The following MOB1B variants were observed in gnomAD, a reference collection of about 807,000 sequenced individuals.
MOB1B encodes MOB kinase activator 1B, also known as MOB1 Mps One Binder homolog B.
MOB1B carries 19 observed loss-of-function variants against 24.4 expected under a neutral mutation model. The observed-to-expected ratio is 0.78, with a 90% CI of 0.54 to 1.14. The LOEUF is 1.14. MOB1B is among the 50% of genes most tolerant of loss of function. MOB1B has a pLI of 0.00. For synonymous variants in MOB1B, 76 were observed against 82.1 expected (o/e 0.93, Z 0.40); for missense variants, 243 against 259.6 (o/e 0.94, Z 0.44).
intron 2 of MOB1B, among the ~76,000 whole-genome samples, chr4:70,961,522 G>A (rs530309482): frequency 6.6e-6 from 1 of 152,328 alleles, no homozygotes; most frequent in East Asian, 1.9e-4. Flanking sequence ...TGAAACCACA[G>A]ATAAAGGAGG....
chr4:70,979,766 C>T (rs893876687), intron 5 of MOB1B, among the ~76,000 whole-genome samples: 2 of 152,250 alleles, frequency 1.3e-5, no homozygotes, highest in Middle Eastern at 3.4e-3. Flanking sequence ...TCCATCATGT[C>T]TGAGGGAAAA....
intron 1 of MOB1B, among the ~76,000 whole-genome samples, chr4:70,954,949 C>T (rs938557912): frequency 2.6e-5 from 4 of 151,852 alleles, no homozygotes; most frequent in Admixed American, 6.6e-5. Flanking sequence ...TGACACCCAG[C>T]TAATTTTTGT....
At chr4:70,904,168 A>G (rs1331565077) in intron 1 of MOB1B, among the ~76,000 whole-genome samples, 1 of 151,092 alleles carries the variant, frequency 6.6e-6, no homozygotes, top group East Asian at 2.0e-4. Flanking sequence ...TTTTTAATAG[A>G]GATGGGGGTT....
chr4:70,975,325 A>T, intron 4 of MOB1B, 39 bp downstream of exon 4: 1 of 1,602,284 alleles, frequency 6.2e-7, no homozygotes, highest in African/African-American at 1.3e-5. Context: ...ATCATGATTT[A>T]TCTTTTATAT....
At chr4:70,971,183 C>G (rs536050012) in intron 3 of MOB1B, among the ~76,000 whole-genome samples, 1 of 152,196 alleles carries the variant, frequency 6.6e-6, no homozygotes, top group East Asian at 1.9e-4. Context: ...TTTGAAAAGT[C>G]TAGTCAAGAT....
At chr4:70,902,572 G>A in intron 1 of MOB1B, 22 bp downstream of exon 1, 1 of 1,548,786 alleles carries the variant, frequency 6.5e-7, no homozygotes, top group Non-Finnish European at 8.7e-7. Flanking sequence ...GGCCCCGCAC[G>A]CGCCGGCTTT....
intron 2 of MOB1B, among the ~76,000 whole-genome samples, chr4:70,969,728 C>A (rs1738679663): frequency 2.6e-5 from 4 of 152,170 alleles, no homozygotes. Flanking sequence ...CTCTTCATCT[C>A]TATGCTTGCC....
intron 3 of MOB1B, 119 bp downstream of exon 3, chr4:70,970,143 T>TCA (rs1419390194): frequency 4.9e-6 from 3 of 610,324 alleles, no homozygotes; most frequent in Non-Finnish European, 8.5e-6. Context: ...GGTTTGCCAG[T>TCA]GACTATTAAT....
At chr4:70,942,500 T>C (rs1042891679) in intron 1 of MOB1B, among the ~76,000 whole-genome samples, 2 of 152,168 alleles carry the variant, frequency 1.3e-5, no homozygotes, top group African/African-American at 4.8e-5. Context: ...TTTTGAACTT[T>C]AACATAAATT....
intron 1 of MOB1B, among the ~76,000 whole-genome samples, chr4:70,935,655 T>C (rs564474403): frequency 6.6e-6 from 1 of 152,050 alleles, no homozygotes; most frequent in Admixed American, 6.6e-5. Context: ...TTAACCATTA[T>C]ACTCTTTTTT....
At chr4:70,925,261 G>A (rs920703984) in intron 1 of MOB1B, among the ~76,000 whole-genome samples, 1 of 151,980 alleles carries the variant, frequency 6.6e-6, no homozygotes, top group Admixed American at 6.6e-5. Context: ...GGTCTTGAAC[G>A]CCTGACCTCT....
At chr4:70,936,804 A>G (rs1487261514) in intron 1 of MOB1B, among the ~76,000 whole-genome samples, 1 of 152,232 alleles carries the variant, frequency 6.6e-6, no homozygotes, top group Non-Finnish European at 1.5e-5. Flanking sequence ...GATTGGCATT[A>G]TGTCAGAGGA....
intron 1 of MOB1B, among the ~76,000 whole-genome samples, chr4:70,927,757 A>G (rs1473883122): frequency 6.6e-6 from 1 of 152,090 alleles, no homozygotes; most frequent in African/African-American, 2.4e-5. Context: ...GGGAAGTGGT[A>G]GGAATCCTTC....
At chr4:70,911,858 G>A (rs575640162) in intron 1 of MOB1B, among the ~76,000 whole-genome samples, 2 of 149,844 alleles carry the variant, frequency 1.3e-5, no homozygotes, top group East Asian at 2.0e-4. Context: ...TTCTTCCTAC[G>A]TTTCCATTTT....
In MOB1B at chr4:70,969,980, C is replaced by G; in HGVS notation, c.231C>G (p.Asp77Glu). The change falls in exon 3 of 6, where the codon GAC becomes GAG. Residue 77 changes from aspartate (D) to glutamate (E), a missense_variant. By Grantham distance (45) the Asp-to-Glu change is conservative (BLOSUM62 2). Coordinates refer to ENST00000309395, the MANE Select transcript of MOB1B (RefSeq NM_173468.4). ...QINMLYGTIT[D>E]FCTEESCPVM... ...ACATGCTTTATGGAACTATCACAGA[C>G]TTCTGTACAGAAGAGAGTTGTCCAG... is the stretch of plus-strand genomic sequence containing the variant. The G allele has an allele frequency of 6.2e-7, 1 of 1,607,348 alleles. No homozygotes were observed. The highest frequency in any genetic ancestry group is 8.5e-7 in the Non-Finnish European group (1 of 1,176,196).
rs150643274 is a variant in MOB1B at position 70,961,551 on chromosome 4, C to T, written c.181+2511C>T. Among the ~76,000 whole-genome samples the T allele has an allele frequency of 1.9e-3, 295 of 152,308 alleles. 1 individual carries two copies. Among genetic ancestry groups the T allele is most frequent in the African/African-American group, 6.8e-3 (281 of 41,560 alleles). ...AAGGAGGACTACTGTACTACTGAAA[C>T]GCCTAGAACTTTGAGAACTCTTAAA... On this transcript the variant is annotated intron_variant, in intron 2 of 5. Coordinates refer to ENST00000309395, the MANE Select transcript of MOB1B (RefSeq NM_173468.4).
intron 1 of MOB1B, among the ~76,000 whole-genome samples, chr4:70,906,553 A>G (rs1308938003): frequency 6.6e-6 from 1 of 152,206 alleles, no homozygotes; most frequent in Non-Finnish European, 1.5e-5. Flanking sequence ...GGAACAAAGG[A>G]GAGCAGGGTA....
intron 5 of MOB1B, among the ~76,000 whole-genome samples, chr4:70,979,946 A>C (rs974757941): frequency 6.6e-6 from 1 of 152,198 alleles, no homozygotes; most frequent in African/African-American, 2.4e-5. Flanking sequence ...ACAGGCAAAA[A>C]TGAAAAAGAG....
intron 1 of MOB1B, chr4:70,950,957 C>T: frequency 1.7e-6 from 1 of 600,824 alleles, no homozygotes; most frequent in Middle Eastern, 3.0e-4. Context: ...GACCCTGGTT[C>T]TGTCATTTAG....
Sources: gnomAD v4.1 joint callset for allele counts (sites outside exome capture counted in the v4.1 genomes callset) on GRCh38, gnomAD v4.1.1 for gene constraint, MANE v1.5 for transcripts, NCBI Gene and HGNC (gene_info 2026-07-23, HGNC 2026-07-21) for gene names.